The following AADAT variants were observed in gnomAD, a reference collection of about 807,000 sequenced individuals.
AADAT encodes the protein aminoadipate aminotransferase.
In AADAT, 25 loss-of-function variants were observed where a neutral mutation model predicts 56.2. The observed-to-expected ratio is 0.44, with a 90% CI of 0.32 to 0.62. The LOEUF (loss-of-function observed/expected upper bound fraction) is 0.62, where lower values mean the gene tolerates loss of function less well. Ranked by LOEUF, AADAT falls within the 20% of genes least tolerant of loss-of-function variation. The probability of loss-of-function intolerance (pLI) is 0.04; values close to 1 mark genes in which losing one functional copy is unlikely to be tolerated. For missense variants in AADAT, 387 were observed against 510.5 expected (o/e 0.76, Z 2.33); for synonymous variants, 173 against 164.7 (o/e 1.05, Z -0.39).
chr4:170,064,449 G>T (rs544150362), intron 11 of AADAT, among the ~76,000 whole-genome samples: 1 of 152,332 alleles, frequency 6.6e-6, no homozygotes, highest in East Asian at 1.9e-4. Context: ...AAACCCAACA[G>T]GTGTGGCTCC....
At chr4:170,090,059 C>T (rs1182895063), upstream of AADAT, 1 of 152,362 alleles carries the variant, frequency 6.6e-6, no homozygotes, top group African/African-American at 2.4e-5. Context: ...CGCGCCTCCC[C>T]GTCCCGGATC....
chr4:170,070,624 A>C lies in AADAT; in HGVS notation c.683T>G (p.Ile228Arg). Reference sequence around the variant, plus strand: ...GAGAAAATAGTAAGGATCATCTTCTATTATGAGGAAATCATATTTTCTTGC... The same window carrying C: ...GAGAAAATAGTAAGGATCATCTTCTCTTATGAGGAAATCATATTTTCTTGC... The part of the protein sequence containing the change: ...ELARKYDFLI[I>R]EDDPYYFLQF... Residue 228 changes from isoleucine to arginine, a missense_variant, in exon 6 of 13, where the codon ATA becomes AGA. Ile to Arg is a moderately conservative substitution (Grantham distance 97, BLOSUM62 -3). Transcript: ENST00000337664. 1 of 1,580,194 alleles carries C rather than the reference A, an allele frequency of 6.3e-7. No homozygotes were observed. The highest frequency in any genetic ancestry group is 8.7e-7 in the Non-Finnish European group (1 of 1,154,540).
rs1456458045 is a variant in AADAT, at chr4:170,088,396, C to G, written c.236G>C (p.Gly79Ala). The G allele has an allele frequency of 2.5e-6, 4 of 1,585,372 alleles. No homozygotes were observed. The change falls in exon 2 of 13, where the codon GGA (glycine) becomes GCA (alanine). Residue 79 changes from glycine to alanine, a missense_variant and splice_region_variant. Coordinates refer to ENST00000337664, the MANE Select transcript of AADAT (RefSeq NM_016228.4). ...AATTATGTTAAGTATTGATACTTAC[C>G]CAGCACTCGGAGAATACTGAAGTGC... is the stretch of plus-strand genomic sequence containing the variant. The part of the protein sequence containing the change: ...KRALQYSPSA[G>A]IPELLSWLKQ...
At chr4:170,078,713 C>T in intron 3 of AADAT, 130 bp from the exon 4 acceptor site, 1 of 492,582 alleles carries the variant, frequency 2.0e-6, no homozygotes, top group Non-Finnish European at 3.6e-6. Context: ...TTATAAGGGG[C>T]CAAACAGTAA....
At chr4:170,086,762 A>G (rs1732583298) in intron 3 of AADAT, among the ~76,000 whole-genome samples, 1 of 152,168 alleles carries the variant, frequency 6.6e-6, no homozygotes, top group African/African-American at 2.4e-5. Flanking sequence ...TGTATTTAAT[A>G]TTTAAGAAAG....
chr4:170,082,112 C>G (rs1316017591), intron 3 of AADAT, among the ~76,000 whole-genome samples: 1 of 152,058 alleles, frequency 6.6e-6, no homozygotes, highest in Non-Finnish European at 1.5e-5. Context: ...TGGACAAACC[C>G]AGAATACTCT....
rs1561013778 is a variant in AADAT at position 170,069,157 on chromosome 4, A to G, written c.794T>C (p.Ile265Thr). 1 of 1,613,810 alleles carries G rather than the reference A, an allele frequency of 6.2e-7. No homozygotes were observed. Among genetic ancestry groups the G allele is most frequent in the Middle Eastern group, 1.6e-4 (1 of 6,062 alleles). Reference sequence around the variant, plus strand: ...AGACACAGGGCCTTACCCAGAGGAAATGATTTTTGAAAAAGAGTCAGCTCT... The same window carrying G: ...AGACACAGGGCCTTACCCAGAGGAAGTGATTTTTGAAAAAGAGTCAGCTCT... ...VIRADSFSKIISSGLRIGFLT... is the reference protein window; with the variant it reads ...VIRADSFSKITSSGLRIGFLT... Residue 265 changes from isoleucine (I) to threonine (T), a missense_variant, in exon 7 of 13, where the codon ATT becomes ACT. By Grantham distance (89) the Ile-to-Thr change is moderately conservative (BLOSUM62 -1). Transcript: ENST00000337664.
At chr4:170,064,673 T>G in intron 11 of AADAT, 46 bp downstream of exon 11, 1 of 1,453,474 alleles carries the variant, frequency 6.9e-7, no homozygotes, top group East Asian at 2.4e-5. Flanking sequence ...AAAGAAAAAG[T>G]ATAACTTTTC....
At chr4:170,087,594 T>C (rs2111215456) in intron 2 of AADAT, among the ~76,000 whole-genome samples, 1 of 152,316 alleles carries the variant, frequency 6.6e-6, no homozygotes, top group Admixed American at 6.5e-5. Flanking sequence ...TATGGCTACC[T>C]AGAAGTTCAG....
At chr4:170,068,734 T>C (rs1165815737) in intron 7 of AADAT, 47 bp from the exon 8 acceptor site, 1 of 1,223,540 alleles carries the variant, frequency 8.2e-7, no homozygotes, top group Non-Finnish European at 1.2e-6. Context: ...TATTAACAAT[T>C]AATACATATC....
At chr4:170,087,304 G>C in intron 2 of AADAT, 56 bp from the exon 3 acceptor site, 2 of 1,509,150 alleles carry the variant, frequency 1.3e-6, no homozygotes, top group East Asian at 2.3e-5. Flanking sequence ...AGTAACAGTA[G>C]TAGACAGGAA....
At chr4:170,072,219 G>C (rs1461959045) in intron 5 of AADAT, among the ~76,000 whole-genome samples, 2 of 151,908 alleles carry the variant, frequency 1.3e-5, no homozygotes, top group Admixed American at 6.6e-5. Flanking sequence ...GACTGTGTGT[G>C]TGTATGTGTG....
At chr4:170,093,689 G>C (rs756975450), upstream of AADAT, among the ~76,000 whole-genome samples, 5 of 152,156 alleles carry the variant, frequency 3.3e-5, no homozygotes, top group East Asian at 7.8e-4. Flanking sequence ...TCGTCTTCCC[G>C]GGCTCAAGCA....
chr4:170,089,686 T>C lies in AADAT; in HGVS notation c.5A>G (p.Asn2Ser). The C allele has an allele frequency of 6.2e-7, 1 of 1,614,154 alleles. No individual in the cohort carries two copies. Among genetic ancestry groups the C allele is most frequent in the Non-Finnish European group, 8.5e-7 (1 of 1,180,004 alleles). The part of the protein sequence containing the change: M[N>S]YARFITAASA... Reference sequence around the variant, plus strand: ...CGCTGCCGTGATGAACCGTGCGTAATTCATGTCTTCTGACAGCCAAGCATC... The same window carrying C: ...CGCTGCCGTGATGAACCGTGCGTAACTCATGTCTTCTGACAGCCAAGCATC... The change falls in exon 1 of 13, where the codon AAT (asparagine) becomes AGT (serine). Residue 2 changes from asparagine to serine, a missense_variant. Transcript: ENST00000337664.
chr4:170,072,880 C>T (rs1031044223), intron 5 of AADAT, among the ~76,000 whole-genome samples: 1 of 152,020 alleles, frequency 6.6e-6, no homozygotes, highest in Admixed American at 6.6e-5. Flanking sequence ...AAAAATTTAA[C>T]ATCAGGCCAA....
upstream of AADAT, among the ~76,000 whole-genome samples, chr4:170,093,007 AAAT>A (rs1732913121): frequency 6.6e-6 from 1 of 152,222 alleles, no homozygotes; most frequent in African/African-American, 2.4e-5. Flanking sequence ...GGAAACATCT[AAAT>A]AAGGTGTAGA....
Position 170,064,704 on chromosome 4 carries a change from A to C in AADAT, c.1134+15T>G. 6.3e-7 allele frequency: 1 copy of C among 1,576,384 alleles called. No homozygotes were observed. The highest frequency in any genetic ancestry group is 8.6e-7 in the Non-Finnish European group (1 of 1,162,330). ...TTTTCCTTAGGTTTCCCAGCCCTTC[A>C]CCTCCCAGTTTTACCCCCATCTTAA... On this transcript the variant is annotated intron_variant, in intron 11 of 12. Coordinates refer to ENST00000337664, the MANE Select transcript of AADAT (RefSeq NM_016228.4).
chr4:170,067,837 A>G (rs1250968868), intron 8 of AADAT, among the ~76,000 whole-genome samples: 1 of 152,138 alleles, frequency 6.6e-6, no homozygotes, highest in African/African-American at 2.4e-5. Flanking sequence ...GAGATTTTCT[A>G]TTTAAAATAG....
chr4:170,068,997 G>C, intron 7 of AADAT, 151 bp downstream of exon 7: 1 of 628,688 alleles, frequency 1.6e-6, no homozygotes, highest in Admixed American at 3.6e-5. Context: ...GGAAAAAAAG[G>C]CCTGTGTTAA....
Sources: allele counts gnomAD v4.1 joint callset (sites outside exome capture counted in the v4.1 genomes callset), GRCh38; gene constraint gnomAD v4.1.1; transcripts MANE v1.5; gene names NCBI Gene and HGNC (gene_info 2026-07-23, HGNC 2026-07-21).